Variants in SLC1A1 observed in about 807,000 individuals in gnomAD.
SLC1A1 encodes the protein solute carrier family 1 member 1, also known as excitatory amino acid transporter 3.
In SLC1A1, 43 loss-of-function variants were observed where a neutral mutation model predicts 53.3. That is an observed-to-expected ratio of 0.81 (90% confidence interval 0.63 to 1.04). The LOEUF (loss-of-function observed/expected upper bound fraction) is 1.04. Ranked by LOEUF, SLC1A1 falls within the 50% of genes least tolerant of loss-of-function variation. The pLI is 0.00. For synonymous variants in SLC1A1, 307 were observed against 243.2 expected (o/e 1.26, Z -2.44); for missense variants, 748 against 664.9 (o/e 1.12, Z -1.37).
intron 2 of SLC1A1, among the ~76,000 whole-genome samples, chr9:4,558,341 A>G (rs904206926): frequency 2.0e-5 from 3 of 152,186 alleles, no homozygotes; most frequent in Admixed American, 2.0e-4. Flanking sequence ...TGGTAACTAT[A>G]CAGAGGTAGA....
chr9:4,523,942 C>G (rs554239497), intron 1 of SLC1A1, among the ~76,000 whole-genome samples: 1 of 152,310 alleles, frequency 6.6e-6, no homozygotes, highest in Non-Finnish European at 1.5e-5. Flanking sequence ...AAAGAGCCTG[C>G]CTCCTGAAGG....
At chr9:4,550,830 T>C (rs1817869164) in intron 2 of SLC1A1, among the ~76,000 whole-genome samples, 1 of 152,350 alleles carries the variant, frequency 6.6e-6, no homozygotes, top group African/African-American at 2.4e-5. Flanking sequence ...AAGGGCCCAA[T>C]AGTAAATATT....
At chr9:4,566,446 G>T (rs1215276890) in intron 5 of SLC1A1, among the ~76,000 whole-genome samples, 2 of 152,148 alleles carry the variant, frequency 1.3e-5, no homozygotes, top group African/African-American at 4.8e-5. Context: ...TAAACTTTCT[G>T]CAGAAAAAAG....
chr9:4,554,398 AAG>A (rs925703367), intron 2 of SLC1A1: 3 of 152,268 alleles, frequency 2.0e-5, no homozygotes, highest in African/African-American at 7.2e-5. Flanking sequence ...CCTAGCAAGA[AAG>A]AGATATAAAA....
chr9:4,572,142 C>T (rs1181631129), intron 6 of SLC1A1, 62 bp from the exon 7 acceptor site: 8 of 1,394,150 alleles, frequency 5.7e-6, no homozygotes, highest in East Asian at 4.6e-5. Flanking sequence ...CATTTCTGGA[C>T]CTGTGCTTTC....
chr9:4,557,911 C>T (rs921462296), intron 2 of SLC1A1, among the ~76,000 whole-genome samples: 1 of 152,130 alleles, frequency 6.6e-6, no homozygotes, highest in Non-Finnish European at 1.5e-5. Context: ...GCTTTATGAT[C>T]GTATGGTACT....
At chr9:4,565,123 T>G (rs1168569674) in intron 4 of SLC1A1, among the ~76,000 whole-genome samples, 1 of 152,226 alleles carries the variant, frequency 6.6e-6, no homozygotes, top group Non-Finnish European at 1.5e-5. Context: ...GTTTTTCTTT[T>G]TAATTTCAAT....
At chr9:4,499,169 C>T (rs757389201) in intron 1 of SLC1A1, among the ~76,000 whole-genome samples, 22 of 151,070 alleles carry the variant, frequency 1.5e-4, no homozygotes, top group African/African-American at 9.7e-5. Context: ...CTTAGCCTCC[C>T]GAGTAGCTGG....
At chr9:4,538,068 G>C (rs566773375) in intron 1 of SLC1A1, among the ~76,000 whole-genome samples, 12 of 152,156 alleles carry the variant, frequency 7.9e-5, no homozygotes, top group African/African-American at 2.9e-4. Flanking sequence ...TTAGTTCAAG[G>C]CCTGACATAT....
Position 4,583,764 on chromosome 9 carries a change from G to A in SLC1A1, c.1328+592G>A, listed in dbSNP as rs1041022435. Among the ~76,000 whole-genome samples, 14 of 152,066 alleles carry A rather than the reference G, an allele frequency of 9.2e-5. No homozygotes were observed. Among genetic ancestry groups the A allele is most frequent in the Admixed American group, 2.0e-4 (3 of 15,262 alleles). On this transcript the variant is annotated intron_variant, in intron 11 of 11. Transcript: ENST00000262352. The surrounding 1 kb of genome is among the most constrained non-coding windows in gnomAD (Gnocchi z 4.6). ...ATGTGAGTGGAGCATCTAGAACAGCGTTTGGCAGCCCATACATGCTCAATA... is the reference window on the plus strand; with the variant it reads ...ATGTGAGTGGAGCATCTAGAACAGCATTTGGCAGCCCATACATGCTCAATA...
At chr9:4,555,519 C>G (rs1241814797) in intron 2 of SLC1A1, among the ~76,000 whole-genome samples, 1 of 152,162 alleles carries the variant, frequency 6.6e-6, no homozygotes, top group Non-Finnish European at 1.5e-5. Flanking sequence ...GGCTGGGAGC[C>G]AACACCCTTG....
At chr9:4,580,651 G>GTGTGTGTGTGTGTGTGTATGTGTGTA (rs370378540) in intron 10 of SLC1A1, among the ~76,000 whole-genome samples, 3 of 118,844 alleles carry the variant, frequency 2.5e-5, no homozygotes, top group African/African-American at 1.0e-4. Flanking sequence ...GTGTGTGTGT[G>GTGTGTGTGTGTGTGTGTATGTGTGTA]TATAAGGAAT....
chr9:4,515,973 A>C (rs1468781675), intron 1 of SLC1A1, among the ~76,000 whole-genome samples: 1 of 152,212 alleles, frequency 6.6e-6, no homozygotes, highest in Non-Finnish European at 1.5e-5. Flanking sequence ...AGTTGTTAGG[A>C]AAGTTTCTCC....
intron 1 of SLC1A1, among the ~76,000 whole-genome samples, chr9:4,525,109 G>A (rs140408854): frequency 1.3e-5 from 2 of 152,270 alleles, no homozygotes; most frequent in African/African-American, 4.8e-5. Flanking sequence ...CTTGGCCCAC[G>A]TGAGTGAAGG....
At chr9:4,563,991 A>G (rs533757260) in intron 3 of SLC1A1, among the ~76,000 whole-genome samples, 81 of 152,164 alleles carry the variant, frequency 5.3e-4, no homozygotes, top group African/African-American at 1.9e-3. Context: ...TTACCCTAAC[A>G]CCTTCCTAGG....
intron 1 of SLC1A1, among the ~76,000 whole-genome samples, chr9:4,534,565 A>C (rs1379779880): frequency 6.6e-6 from 1 of 152,102 alleles, no homozygotes; most frequent in Non-Finnish European, 1.5e-5. Context: ...TTGAGGCAAT[A>C]ATTAATAGCT....
chr9:4,535,751 G>C (rs1044156980), intron 1 of SLC1A1, among the ~76,000 whole-genome samples: 2 of 152,022 alleles, frequency 1.3e-5, no homozygotes, highest in African/African-American at 2.4e-5. Flanking sequence ...ACATTGCCAA[G>C]TCAATCCTAA....
At chr9:4,515,330 G>C (rs192379063) in intron 1 of SLC1A1, among the ~76,000 whole-genome samples, 5 of 152,298 alleles carry the variant, frequency 3.3e-5, no homozygotes, top group African/African-American at 9.6e-5. Context: ...AAGAGTATCA[G>C]ATATTCTATA....
At chr9:4,547,207 T>C (rs974498913) in intron 2 of SLC1A1, among the ~76,000 whole-genome samples, 1 of 152,250 alleles carries the variant, frequency 6.6e-6, no homozygotes, top group African/African-American at 2.4e-5. Flanking sequence ...AGTGAGATTT[T>C]TGCAGTCTGG....
Sources: gnomAD v4.1 joint callset for allele counts (sites outside exome capture counted in the v4.1 genomes callset) on GRCh38, gnomAD v4.1.1 for gene constraint, Gnocchi (gnomAD v3.1) non-coding constraint, MANE v1.5 for transcripts, NCBI Gene and HGNC (gene_info 2026-07-23, HGNC 2026-07-21) for gene names.